PFDN1: variants seen among roughly 807,000 people sequenced by gnomAD.
The protein encoded by PFDN1 is prefoldin subunit 1, also known as prefoldin 1.
In PFDN1, 6 loss-of-function variants were observed where a neutral mutation model predicts 17.3. The observed-to-expected ratio is 0.35, with a 90% confidence interval of 0.19 to 0.69. The LOEUF (loss-of-function observed/expected upper bound fraction) is 0.69, where lower values mean the gene tolerates loss of function less well. PFDN1 is among the 30% of genes least tolerant of loss of function. PFDN1 has a pLI of 0.65. For missense variants in PFDN1, 113 were observed against 146.2 expected (o/e 0.77, Z 1.17); for synonymous variants, 58 against 50.1 (o/e 1.16, Z -0.67).
Position 140,286,344 on chromosome 5 carries a change from G to A in PFDN1, c.201-4811C>T, listed in dbSNP as rs545801432. ...GGAAAATCACTTGAACCCATGAGAC[G>A]GAGGTTGCAGTGAGCCAAGATCGTA... On this transcript the variant is annotated intron_variant, in intron 2 of 3. Coordinates refer to ENST00000261813, the MANE Select transcript of PFDN1 (RefSeq NM_002622.5). Among the ~76,000 whole-genome samples, 8 of 147,308 alleles carry A rather than the reference G, an allele frequency of 5.4e-5. No homozygotes were observed. In the East Asian group the frequency reaches 6.0e-4, roughly 11 times the overall value.
intron 2 of PFDN1, among the ~76,000 whole-genome samples, chr5:140,290,501 C>T (rs914146006): frequency 6.6e-6 from 1 of 152,112 alleles, no homozygotes; most frequent in African/African-American, 2.4e-5. Flanking sequence ...GGAGGCCTGA[C>T]CTATATGACA....
At chr5:140,268,453 G>C (rs1765162651) in intron 3 of PFDN1, among the ~76,000 whole-genome samples, 1 of 152,288 alleles carries the variant, frequency 6.6e-6, no homozygotes, top group Non-Finnish European at 1.5e-5. Context: ...TTCAAGATCA[G>C]CCTGGCCAAC....
chr5:140,281,874 TA>T (rs1399968319), intron 2 of PFDN1: 759 of 156,714 alleles, frequency 4.8e-3, no homozygotes, highest in South Asian at 0.014. Flanking sequence ...CCTGTCTCAT[TA>T]AAAAAAAAAG....
chr5:140,267,205 G>A (rs376660521), intron 3 of PFDN1, among the ~76,000 whole-genome samples: 13 of 152,360 alleles, frequency 8.5e-5, no homozygotes, highest in African/African-American at 2.4e-4. Context: ...AATCACACAT[G>A]CGGTTATATT....
At chr5:140,277,070 A>C (rs1484713152) in intron 3 of PFDN1, among the ~76,000 whole-genome samples, 1 of 151,882 alleles carries the variant, frequency 6.6e-6, no homozygotes, top group Non-Finnish European at 1.5e-5. Context: ...AAATACAAAA[A>C]AATTAGCTGG....
At position 140,290,360 on chromosome 5, in the gene PFDN1, T is replaced by G. The variant is rs772878321; in HGVS notation, c.201-8827A>C. On this transcript the variant is annotated intron_variant, in intron 2 of 3. Transcript: ENST00000261813. ...AAACATGGCACTTTCTCACTCTGGTTGTTGTCATGCCTCAATAAAATCCCT... is the reference window on the plus strand; with the variant it reads ...AAACATGGCACTTTCTCACTCTGGTGGTTGTCATGCCTCAATAAAATCCCT... Among the ~76,000 whole-genome samples, 91 of 152,158 alleles carry G rather than the reference T, an allele frequency of 6.0e-4. 1 individual carries two copies. Among genetic ancestry groups the G allele is most frequent in the Admixed American group, 1.9e-3 (29 of 15,268 alleles).
intron 2 of PFDN1, among the ~76,000 whole-genome samples, chr5:140,291,869 T>C (rs995425249): frequency 6.6e-6 from 1 of 152,112 alleles, no homozygotes; most frequent in Non-Finnish European, 1.5e-5. Flanking sequence ...ATGGTACTGA[T>C]AGGTCAAATA....
intron 3 of PFDN1, among the ~76,000 whole-genome samples, chr5:140,276,043 T>C (rs1417674272): frequency 1.3e-5 from 2 of 151,904 alleles, no homozygotes; most frequent in Non-Finnish European, 2.9e-5. Flanking sequence ...ATGATGATGA[T>C]GATGATGATG....
chr5:140,299,342 C>T (rs542442789), intron 2 of PFDN1, among the ~76,000 whole-genome samples: 2 of 152,296 alleles, frequency 1.3e-5, no homozygotes, highest in South Asian at 4.1e-4. Flanking sequence ...CGGTGGCTCA[C>T]GCCTGTAATC....
intron 3 of PFDN1, among the ~76,000 whole-genome samples, chr5:140,263,746 G>A (rs1765096576): frequency 6.6e-6 from 1 of 152,082 alleles, no homozygotes. Flanking sequence ...AAGGAGCCGG[G>A]CGTGGTGGCT....
chr5:140,261,499 G>A (rs552918409), intron 3 of PFDN1, among the ~76,000 whole-genome samples: 4 of 152,096 alleles, frequency 2.6e-5, no homozygotes, highest in African/African-American at 7.2e-5. Flanking sequence ...ATAGAGATAC[G>A]GCAACCGGAA....
At chr5:140,283,468 C>T (rs1415512966) in intron 2 of PFDN1, among the ~76,000 whole-genome samples, 6 of 151,992 alleles carry the variant, frequency 3.9e-5, no homozygotes, top group African/African-American at 9.7e-5. Flanking sequence ...TTCCTGACCT[C>T]GTGATCTGCC....
At chr5:140,295,054 TCCTCA>T (rs1355226984) in intron 2 of PFDN1, among the ~76,000 whole-genome samples, 2 of 151,926 alleles carry the variant, frequency 1.3e-5, no homozygotes, top group Non-Finnish European at 2.9e-5. Context: ...CTACTCAAGT[TCCTCA>T]TATTAAAAAA....
chr5:140,302,060 G>A (rs1041565730), intron 1 of PFDN1, among the ~76,000 whole-genome samples: 10 of 152,088 alleles, frequency 6.6e-5, no homozygotes, highest in African/African-American at 1.7e-4. Flanking sequence ...CAGCTATTTC[G>A]GCTGTCCTAT....
chr5:140,293,750 C>T (rs1414126074), intron 2 of PFDN1, among the ~76,000 whole-genome samples: 1 of 152,034 alleles, frequency 6.6e-6, no homozygotes, highest in African/African-American at 2.4e-5. Flanking sequence ...TTTTAAATCA[C>T]TGACAACTTA....
intron 3 of PFDN1, among the ~76,000 whole-genome samples, chr5:140,277,674 G>T (rs1396029306): frequency 6.6e-6 from 1 of 151,478 alleles, no homozygotes; most frequent in Non-Finnish European, 1.5e-5. Flanking sequence ...GCTGCAGTGA[G>T]CTGAGATCAC....
intron 3 of PFDN1, among the ~76,000 whole-genome samples, chr5:140,274,135 A>C (rs1044060817): frequency 6.6e-6 from 1 of 152,210 alleles, no homozygotes; most frequent in African/African-American, 2.4e-5. Context: ...CCTCCAAAAA[A>C]GTTAGCAAAA....
At chr5:140,289,086 G>A (rs1380255282) in intron 2 of PFDN1, among the ~76,000 whole-genome samples, 2 of 152,100 alleles carry the variant, frequency 1.3e-5, no homozygotes, top group East Asian at 3.9e-4. Context: ...AGGAGTTCAA[G>A]ACCAGCATGG....
At chr5:140,274,169 T>G (rs562970940) in intron 3 of PFDN1, among the ~76,000 whole-genome samples, 2 of 152,308 alleles carry the variant, frequency 1.3e-5, no homozygotes, top group East Asian at 3.9e-4. Flanking sequence ...TTCCCACTCT[T>G]TAGAAGATAT....
Sources: gnomAD v4.1 joint callset for allele counts (sites outside exome capture counted in the v4.1 genomes callset) on GRCh38, gnomAD v4.1.1 for gene constraint, MANE v1.5 for transcripts, NCBI Gene and HGNC (gene_info 2026-07-23, HGNC 2026-07-21) for gene names.